Variants in COL9A1 observed in about 807,000 individuals in gnomAD.
The protein encoded by COL9A1 is collagen alpha-1(IX) chain.
Under a neutral mutation model 142.6 loss-of-function variants are expected in COL9A1, and 104 were observed. That is an observed-to-expected ratio of 0.73 (90% CI 0.62 to 0.86). COL9A1 has a LOEUF of 0.86. COL9A1 is among the 40% of genes least tolerant of loss of function. COL9A1 has a pLI of 0.00. For missense variants in COL9A1, 1,210 were observed against 1,176.6 expected, an observed-to-expected ratio of 1.03 and a Z score of -0.42; for synonymous variants, 466 against 396.0, an observed-to-expected ratio of 1.18 and a Z score of -2.10.
In COL9A1 at chr6:70,302,898, G is replaced by A; in HGVS notation, c.14+13C>T. ...CCATCTCCCCACCACTCTTTCCAGG[G>A]TTATTGTCTTACCAGCAGGTCTTCA... On this transcript the variant is annotated intron_variant, in intron 1 of 37. Coordinates refer to ENST00000357250, the MANE Select transcript of COL9A1 (RefSeq NM_001851.6). The A allele has an allele frequency of 6.2e-7, 1 of 1,613,812 alleles. No homozygotes were observed. The highest frequency in any genetic ancestry group is 8.5e-7 in the Non-Finnish European group (1 of 1,179,854).
At chr6:70,294,951 A>G (rs913226355) in intron 4 of COL9A1, among the ~76,000 whole-genome samples, 3 of 152,256 alleles carry the variant, frequency 2.0e-5, no homozygotes, top group African/African-American at 7.2e-5. Context: ...AGAGGAGATC[A>G]TTAGGAATGT....
At chr6:70,254,942 G>T in intron 24 of COL9A1, 21 bp downstream of exon 24, 3 of 1,612,450 alleles carry the variant, frequency 1.9e-6, no homozygotes, top group Non-Finnish European at 2.5e-6. Context: ...ACTCACTCTT[G>T]GAGTAAATTA....
At chr6:70,280,747 C>A in intron 10 of COL9A1, 65 bp downstream of exon 10, 3 of 1,504,210 alleles carry the variant, frequency 2.0e-6, no homozygotes, top group Non-Finnish European at 2.7e-6. Flanking sequence ...CCCCACAAAA[C>A]ACACACTTAC....
chr6:70,298,370 T>A (rs1337726385), intron 4 of COL9A1, among the ~76,000 whole-genome samples: 1 of 152,228 alleles, frequency 6.6e-6, no homozygotes, highest in Non-Finnish European at 1.5e-5. Flanking sequence ...TTCCCAAGAA[T>A]AAACTTTACT....
At chr6:70,217,560 CTT>C (rs1768603754) in intron 37 of COL9A1, among the ~76,000 whole-genome samples, 1 of 152,192 alleles carries the variant, frequency 6.6e-6, no homozygotes, top group Non-Finnish European at 1.5e-5. Context: ...ATTAATGTCA[CTT>C]GATTATTTTT....
At position 70,274,098 on chromosome 6, in the gene COL9A1, G is replaced by A. The variant is rs748135340; in HGVS notation, c.1030-16C>T. The A allele has an allele frequency of 1.9e-6, 3 of 1,584,230 alleles. No homozygotes were observed. In the African/African-American group the frequency reaches 4.1e-5, roughly 22 times the overall value. ...CAGGTTCTCCCTAAAAATAAAAATAGTTTCATTGTACTGACCTTTCATATC... is the reference window on the plus strand; with the variant it reads ...CAGGTTCTCCCTAAAAATAAAAATAATTTCATTGTACTGACCTTTCATATC... On this transcript the variant is annotated splice_polypyrimidine_tract_variant and intron_variant, in intron 11 of 37. Coordinates refer to ENST00000357250, the MANE Select transcript of COL9A1 (RefSeq NM_001851.6).
intron 37 of COL9A1, among the ~76,000 whole-genome samples, chr6:70,218,658 G>T (rs1358490017): frequency 1.3e-5 from 2 of 151,984 alleles, no homozygotes; most frequent in East Asian, 3.9e-4. Flanking sequence ...TTTCTCTGTG[G>T]TTTTTACTTT....
At chr6:70,265,173 G>C (rs963760944) in intron 18 of COL9A1, among the ~76,000 whole-genome samples, 2 of 152,208 alleles carry the variant, frequency 1.3e-5, no homozygotes, top group South Asian at 4.1e-4. Context: ...AACCAAATTT[G>C]AGAATCTAGA....
chr6:70,285,063 A>C (rs887429341), intron 5 of COL9A1, among the ~76,000 whole-genome samples: 1 of 152,262 alleles, frequency 6.6e-6, no homozygotes, highest in African/African-American at 2.4e-5. Flanking sequence ...CAGAAAACCT[A>C]TATCTTTTGT....
At chr6:70,215,447 A>G (rs1293079574), downstream of COL9A1, 1 of 152,240 alleles carries the variant, frequency 6.6e-6, no homozygotes. Flanking sequence ...ATTTAGTTCC[A>G]TAAACTAACT....
intron 18 of COL9A1, 134 bp downstream of exon 18, chr6:70,266,582 AC>A: frequency 1.3e-6 from 1 of 788,366 alleles, no homozygotes; most frequent in Non-Finnish European, 2.2e-6. Context: ...TCTGCTTAGA[AC>A]TTATCAATCA....
rs974475200 is a variant in COL9A1, at chr6:70,253,205, A to G, written c.1764+180T>C. ...CTAATTAGCAGCATTTTGTCAAAGT[A>G]TGCTTTCTGTAGCTAGGAAAAAGAT... is the stretch of plus-strand genomic sequence containing the variant. On this transcript the variant is annotated intron_variant, in intron 26 of 37. Coordinates refer to ENST00000357250, the MANE Select transcript of COL9A1 (RefSeq NM_001851.6). 5 of 518,500 alleles carry G rather than the reference A, an allele frequency of 9.6e-6. No homozygotes were observed. The Admixed American group carries it at 9.9e-5, about 10-fold the overall frequency. The allele number at this position is 518,500 out of a possible 1,614,324, so 32.1% of individuals were successfully genotyped here. A position where few individuals can be genotyped will look rare whatever the true frequency, so the allele number is the denominator to read the frequency against.
chr6:70,276,587 T>C (rs1562320911), intron 10 of COL9A1, among the ~76,000 whole-genome samples: 1 of 152,144 alleles, frequency 6.6e-6, no homozygotes, highest in Admixed American at 6.5e-5. Flanking sequence ...AAGTTGAAAA[T>C]GGATTCTGGT....
At chr6:70,272,144 T>G (rs1772445696) in intron 12 of COL9A1, 56 bp from the exon 13 acceptor site, 2 of 1,419,280 alleles carry the variant, frequency 1.4e-6, no homozygotes, top group Non-Finnish European at 2.0e-6. Flanking sequence ...AGTATAAATA[T>G]GAATGTAGAC....
At chr6:70,278,683 T>C (rs1772921888) in intron 10 of COL9A1, among the ~76,000 whole-genome samples, 1 of 152,230 alleles carries the variant, frequency 6.6e-6, no homozygotes, top group African/African-American at 2.4e-5. Flanking sequence ...TAAGGCAGCT[T>C]ATTCTTTTAT....
At chr6:70,289,669 T>C (rs1773585344) in intron 5 of COL9A1, among the ~76,000 whole-genome samples, 2 of 152,226 alleles carry the variant, frequency 1.3e-5, no homozygotes, top group African/African-American at 2.4e-5. Flanking sequence ...TTTAATTTAA[T>C]TTTTACTTCC....
intron 10 of COL9A1, among the ~76,000 whole-genome samples, chr6:70,279,061 C>T (rs943230632): frequency 6.6e-6 from 1 of 152,004 alleles, no homozygotes; most frequent in Non-Finnish European, 1.5e-5. Flanking sequence ...TTTTGAAATA[C>T]AAAATAAATA....
chr6:70,262,379 T>A (rs1160121529), intron 19 of COL9A1, among the ~76,000 whole-genome samples: 1 of 152,166 alleles, frequency 6.6e-6, no homozygotes. Flanking sequence ...TTTAACTTAA[T>A]TTCCCTTACA....
In COL9A1 at chr6:70,281,470, A is replaced by C; in HGVS notation, c.802-6T>G. The C allele has an allele frequency of 6.2e-7, 1 of 1,609,922 alleles. No individual in the cohort carries two copies. Among genetic ancestry groups the C allele is most frequent in the Non-Finnish European group, 8.5e-7 (1 of 1,178,304 alleles). ...TGCTCACCCGGGGGACCTCTCTGGCAAAAATAGCAGACATAGGTTAGTGGA... is the reference window on the plus strand; with the variant it reads ...TGCTCACCCGGGGGACCTCTCTGGCCAAAATAGCAGACATAGGTTAGTGGA... On this transcript the variant is annotated splice_polypyrimidine_tract_variant and splice_region_variant and intron_variant, in intron 7 of 37. Transcript: ENST00000357250.
Sources: gnomAD v4.1 joint callset for allele counts (sites outside exome capture counted in the v4.1 genomes callset) on GRCh38, gnomAD v4.1.1 for gene constraint, MANE v1.5 for transcripts, NCBI Gene and HGNC (gene_info 2026-07-23, HGNC 2026-07-21) for gene names.